The following ERC2 variants were observed in gnomAD, a reference collection of about 807,000 sequenced individuals.
ERC2 encodes ERC protein 2.
In ERC2, 42 loss-of-function variants were observed where a neutral mutation model predicts 114.8. The ratio of observed to expected loss-of-function variants is 0.37; its 90% CI spans 0.29 to 0.47. The LOEUF (loss-of-function observed/expected upper bound fraction) is 0.47, where lower values mean the gene tolerates loss of function less well. Among genes scored for constraint, ERC2 ranks in the 20% least tolerant of loss-of-function variants. ERC2 has a pLI of 0.99. For missense variants in ERC2, 939 were observed against 1,150.7 expected, an observed-to-expected ratio of 0.82 and a Z score of 2.66; for synonymous variants, 454 against 425.5, an observed-to-expected ratio of 1.07 and a Z score of -0.82.
intron 7 of ERC2, among the ~76,000 whole-genome samples, chr3:56,075,122 A>C (rs1560129603): frequency 1.9e-5 from 2 of 107,370 alleles, no homozygotes; most frequent in African/African-American, 7.4e-5. Context: ...CCCAGACTGC[A>C]GTGTCAGCAA....
intron 14 of ERC2, among the ~76,000 whole-genome samples, chr3:55,861,691 T>C (rs2062036008): frequency 6.6e-6 from 1 of 152,226 alleles, no homozygotes; most frequent in Non-Finnish European, 1.5e-5. Context: ...ATCGACTATG[T>C]ACCCAAAGCC....
intron 2 of ERC2, among the ~76,000 whole-genome samples, chr3:56,369,674 A>G (rs1168050358): frequency 6.6e-6 from 1 of 151,396 alleles, no homozygotes; most frequent in Admixed American, 6.6e-5. Flanking sequence ...CACCTACTGG[A>G]TACTACTTTT....
In ERC2 at chr3:56,034,839, G is replaced by C. The variant is rs191262593; in HGVS notation, c.1642-15808C>G. Reference sequence around the variant, plus strand: ...TGGCAAAAGCAGTTTTAAAAGGGAAGTTTATAATAAGAAACACCTATATTA... The same window carrying C: ...TGGCAAAAGCAGTTTTAAAAGGGAACTTTATAATAAGAAACACCTATATTA... On this transcript the variant is annotated intron_variant, in intron 7 of 17. Coordinates refer to ENST00000288221, the MANE Select transcript of ERC2 (RefSeq NM_015576.3). Among the ~76,000 whole-genome samples, 4 of 151,982 alleles carry C rather than the reference G, an allele frequency of 2.6e-5. No homozygotes were observed. The East Asian group carries it at 7.7e-4, about 29-fold the overall frequency.
chr3:56,273,277 T>G (rs2053779614), intron 3 of ERC2, among the ~76,000 whole-genome samples: 1 of 149,358 alleles, frequency 6.7e-6, no homozygotes, highest in African/African-American at 2.5e-5. Context: ...TTTTTTTTTT[T>G]TGGTGACAGG....
At chr3:56,389,332 T>A (rs1438513901) in intron 2 of ERC2, among the ~76,000 whole-genome samples, 1 of 152,132 alleles carries the variant, frequency 6.6e-6, no homozygotes, top group African/African-American at 2.4e-5. Context: ...AAAGCCAGAC[T>A]CACTATGGAA....
At chr3:56,060,741 T>C (rs1213803666) in intron 7 of ERC2, among the ~76,000 whole-genome samples, 4 of 152,216 alleles carry the variant, frequency 2.6e-5, no homozygotes, top group Non-Finnish European at 5.9e-5. Context: ...CCTGTTCCAT[T>C]GTAATTTATT....
intron 14 of ERC2, among the ~76,000 whole-genome samples, chr3:55,748,571 TC>T (rs1464871202): frequency 6.6e-6 from 1 of 152,174 alleles, no homozygotes; most frequent in Non-Finnish European, 1.5e-5. Context: ...TCTATTACCA[TC>T]ATGAGCAAAT....
At chr3:55,572,268 G>A (rs2056755669) in intron 17 of ERC2, among the ~76,000 whole-genome samples, 1 of 152,210 alleles carries the variant, frequency 6.6e-6, no homozygotes, top group Non-Finnish European at 1.5e-5. Flanking sequence ...ACCCACTTCT[G>A]TTCACCTCGG....
intron 3 of ERC2, among the ~76,000 whole-genome samples, chr3:56,277,864 C>T (rs983749892): frequency 2.6e-5 from 4 of 152,118 alleles, no homozygotes; most frequent in Non-Finnish European, 5.9e-5. Flanking sequence ...CCTTGTTACT[C>T]AGCAGGCTGC....
At chr3:55,542,663 G>C (rs907055551) in intron 17 of ERC2, among the ~76,000 whole-genome samples, 1 of 152,162 alleles carries the variant, frequency 6.6e-6, no homozygotes, top group Non-Finnish European at 1.5e-5. Flanking sequence ...AAAATGAAGA[G>C]CTTTGAGTGT....
At chr3:56,005,103 C>T in intron 10 of ERC2, among the ~76,000 whole-genome samples, 1 of 151,942 alleles carries the variant, frequency 6.6e-6, no homozygotes, top group East Asian at 1.9e-4. Context: ...ATAGCATTTG[C>T]AGGTTAGACA....
intron 2 of ERC2, among the ~76,000 whole-genome samples, chr3:56,335,911 C>T (rs2150474333): frequency 1.3e-5 from 2 of 152,122 alleles, no homozygotes; most frequent in Middle Eastern, 3.4e-3. Context: ...CTTCAGGAAG[C>T]TTATGGTCTA....
chr3:56,389,109 TA>T (rs1272811916), intron 2 of ERC2, among the ~76,000 whole-genome samples: 2 of 152,276 alleles, frequency 1.3e-5, no homozygotes, highest in African/African-American at 4.8e-5. Flanking sequence ...CCCATCTAAA[TA>T]CATTGTAGAT....
intron 14 of ERC2, among the ~76,000 whole-genome samples, chr3:55,843,393 C>A (rs1261432202): frequency 6.6e-6 from 1 of 152,098 alleles, no homozygotes; most frequent in Non-Finnish European, 1.5e-5. Context: ...TAGGAAGAAA[C>A]TAATACATCA....
chr3:56,192,932 G>A (rs2047880827), intron 3 of ERC2, among the ~76,000 whole-genome samples: 1 of 152,140 alleles, frequency 6.6e-6, no homozygotes, highest in Admixed American at 6.5e-5. Flanking sequence ...GTACCACTAA[G>A]GCCAGCAATC....
Position 56,434,047 on chromosome 3 carries a change from C to G in ERC2, c.657+304G>C, listed in dbSNP as rs182335585. 1.4e-5 allele frequency: 5 copies of G among 360,622 alleles called. No homozygotes were observed. The East Asian group carries it at 2.4e-4, about 18-fold the overall frequency. The allele number at this position is 360,622 out of a possible 1,614,324, so 22.3% of individuals were successfully genotyped here. ...AGGTACATCTGAACAGCTGTTGCAA[C>G]TGCTGAAAAAGAAAACAAAATTAAC... On this transcript the variant is annotated intron_variant, in intron 2 of 17. Transcript: ENST00000288221.
intron 13 of ERC2, 83 bp downstream of exon 13, chr3:55,950,342 A>G (rs2067412602): frequency 6.5e-7 from 1 of 1,531,942 alleles, no homozygotes; most frequent in Non-Finnish European, 8.9e-7. Flanking sequence ...ATTTCTGTGC[A>G]TATTTTCTGG....
intron 3 of ERC2, among the ~76,000 whole-genome samples, chr3:56,224,928 G>A (rs2050152504): frequency 6.6e-6 from 1 of 152,086 alleles, no homozygotes; most frequent in Non-Finnish European, 1.5e-5. Flanking sequence ...CTTTCTCACT[G>A]GGAGTGTTAT....
At chr3:55,681,710 A>G (rs887201677) in intron 17 of ERC2, among the ~76,000 whole-genome samples, 3 of 152,240 alleles carry the variant, frequency 2.0e-5, no homozygotes, top group African/African-American at 7.2e-5. Context: ...CTAAATTTCT[A>G]AAAACATTTA....
Sources: gnomAD v4.1 joint callset for allele counts (sites outside exome capture counted in the v4.1 genomes callset) on GRCh38, gnomAD v4.1.1 for gene constraint, MANE v1.5 for transcripts, NCBI Gene and HGNC (gene_info 2026-07-23, HGNC 2026-07-21) for gene names.